The following EXT1 variants were observed in gnomAD, a reference collection of about 807,000 sequenced individuals.
EXT1 encodes the protein exostosin glycosyltransferase 1, also known as exostosin-1.
In EXT1, 20 loss-of-function variants were observed where a neutral mutation model predicts 82.5. That is an observed-to-expected ratio of 0.24 (90% CI 0.17 to 0.35). The LOEUF (loss-of-function observed/expected upper bound fraction) is 0.35. EXT1 is among the 10% of genes least tolerant of loss of function. EXT1 has a pLI of 1.00. For synonymous variants in EXT1, 348 were observed against 350.8 expected (o/e 0.99, Z 0.09); for missense variants, 757 against 936.5 (o/e 0.81, Z 2.50).
intron 1 of EXT1, among the ~76,000 whole-genome samples, chr8:117,940,456 TAGGCATCA>T (rs1183458645): frequency 6.6e-6 from 1 of 152,180 alleles, no homozygotes; most frequent in African/African-American, 2.4e-5. Context: ...CTAAAAGCAC[TAGGCATCA>T]AGGAAGGATG....
chr8:118,032,191 T>C (rs1816337573), intron 1 of EXT1, among the ~76,000 whole-genome samples: 1 of 150,054 alleles, frequency 6.7e-6, no homozygotes, highest in Non-Finnish European at 1.5e-5. Flanking sequence ...TAAATTAACT[T>C]GGGTTTCTTT....
intron 1 of EXT1, among the ~76,000 whole-genome samples, chr8:117,934,743 T>C (rs1352147254): frequency 6.6e-6 from 1 of 152,216 alleles, no homozygotes; most frequent in Non-Finnish European, 1.5e-5. Context: ...TGCAAATGGA[T>C]ACCTGACTCA....
chr8:117,863,928 C>A (rs1361804913), intron 1 of EXT1, among the ~76,000 whole-genome samples: 1 of 152,152 alleles, frequency 6.6e-6, no homozygotes, highest in African/African-American at 2.4e-5. Context: ...ACCCGATTTT[C>A]AAAAGGATGA....
At chr8:118,003,320 GT>G (rs1263873947) in intron 1 of EXT1, among the ~76,000 whole-genome samples, 1 of 151,828 alleles carries the variant, frequency 6.6e-6, no homozygotes, top group Non-Finnish European at 1.5e-5. Context: ...CGGATGACGG[GT>G]GCACTGAAAT....
intron 1 of EXT1, among the ~76,000 whole-genome samples, chr8:117,973,865 G>A (rs1287115992): frequency 7.7e-6 from 1 of 129,746 alleles, no homozygotes; most frequent in Middle Eastern, 5.0e-3. Context: ...GGAAAGGAAA[G>A]GAAAGGAAAG....
intron 1 of EXT1, among the ~76,000 whole-genome samples, chr8:117,839,400 A>G (rs1272431818): frequency 6.6e-6 from 1 of 152,212 alleles, no homozygotes; most frequent in Non-Finnish European, 1.5e-5. Flanking sequence ...TTAGGTGTCC[A>G]TACCATTATA....
intron 1 of EXT1, among the ~76,000 whole-genome samples, chr8:117,856,252 CTT>C (rs941357298): frequency 1.8e-4 from 25 of 135,540 alleles, no homozygotes; most frequent in Non-Finnish European, 2.7e-4. Context: ...AAGGCTTTTT[CTT>C]TTTTTTTTTT....
intron 1 of EXT1, among the ~76,000 whole-genome samples, chr8:117,926,823 T>C (rs1813961632): frequency 6.6e-6 from 1 of 152,256 alleles, no homozygotes. Context: ...TTTCTAAATT[T>C]TCCTGGAGAG....
At chr8:118,047,698 A>G (rs943631124) in intron 1 of EXT1, among the ~76,000 whole-genome samples, 1 of 152,224 alleles carries the variant, frequency 6.6e-6, no homozygotes, top group African/African-American at 2.4e-5. Context: ...CAGATAAAAT[A>G]CAGAGCATAC....
intron 1 of EXT1, among the ~76,000 whole-genome samples, chr8:117,996,926 A>G (rs7845466): frequency 0.058 from 8,761 of 152,244 alleles, 838 homozygotes; most frequent in African/African-American, 0.2. Context: ...TCTTGTAGGT[A>G]CAGGCCAGCA....
At chr8:117,804,448 A>G (rs1823208496) in intron 10 of EXT1, among the ~76,000 whole-genome samples, 1 of 152,232 alleles carries the variant, frequency 6.6e-6, no homozygotes, top group South Asian at 2.1e-4. Context: ...GCCCAAATGG[A>G]CTAAGACAAA....
chr8:118,029,500 C>A (rs1203862004), intron 1 of EXT1, among the ~76,000 whole-genome samples: 2 of 152,130 alleles, frequency 1.3e-5, no homozygotes, highest in African/African-American at 4.8e-5. Context: ...AATAAGTTAT[C>A]TGAAATGTGA....
intron 4 of EXT1, among the ~76,000 whole-genome samples, chr8:117,828,099 A>G: frequency 6.6e-6 from 1 of 152,190 alleles, no homozygotes; most frequent in Non-Finnish European, 1.5e-5. Context: ...GTTACAATGC[A>G]AGTATATAAA....
At position 117,799,740 on chromosome 8, in the gene EXT1, T is replaced by C. The variant is rs1823135276; in HGVS notation, c.2213A>G (p.Lys738Arg). 6.2e-7 allele frequency: 1 copy of C among 1,614,022 alleles called. No homozygotes were observed. Among genetic ancestry groups the C allele is most frequent in the Admixed American group, 1.7e-5 (1 of 59,986 alleles). The change falls in exon 11 of 11, where the codon AAG (lysine) becomes AGG (arginine). Residue 738 changes from lysine (K) to arginine (R), a missense_variant. Lys to Arg is a conservative substitution (Grantham distance 26, BLOSUM62 2). Transcript: ENST00000378204. ...AAGTCGCTCAATGTCTCGGTATTTC[T>C]TCCTCAAAATAGAGACCTGGTCTTT... ...LFKDQVSILR[K>R]KYRDIERL is the part of the protein sequence containing the mutation.
chr8:117,856,275 G>GC (rs1812555851), intron 1 of EXT1, among the ~76,000 whole-genome samples: 1 of 150,424 alleles, frequency 6.6e-6, no homozygotes, highest in African/African-American at 2.4e-5. Context: ...TTTGTGGGGG[G>GC]ACGGAGTCTC....
At chr8:118,037,836 G>GTTTTTTTTTTTTTTTTTTTTTTT (rs58862041) in intron 1 of EXT1, among the ~76,000 whole-genome samples, 1 of 107,438 alleles carries the variant, frequency 9.3e-6, no homozygotes, top group African/African-American at 4.2e-5. Context: ...AGTGTTTTTT[G>GTTTTTTTTTTTTTTTTTTTTTTT]TTTTTTTTTT....
intron 1 of EXT1, among the ~76,000 whole-genome samples, chr8:117,907,979 T>C (rs1563597629): frequency 6.6e-6 from 1 of 152,238 alleles, no homozygotes; most frequent in Non-Finnish European, 1.5e-5. Context: ...TCTTCATCAC[T>C]TGTAAAATTA....
chr8:117,982,954 TAAAA>T (rs1311903941), intron 1 of EXT1, among the ~76,000 whole-genome samples: 1 of 152,184 alleles, frequency 6.6e-6, no homozygotes, highest in Non-Finnish European at 1.5e-5. Context: ...TTTTACAAGA[TAAAA>T]AACCAATTTA....
At position 118,111,683 on chromosome 8, in the gene EXT1, G is replaced by C. The variant is rs1407183297; in HGVS notation, c.-637C>G. The C allele has an allele frequency of 7.2e-6, 2 of 275,912 alleles. No individual in the cohort carries two copies. The highest frequency in any genetic ancestry group is 1.4e-5 in the Non-Finnish European group (2 of 147,626). 17.1% of individuals were successfully genotyped at this position (275,912 alleles called of 1,614,324 possible). Reference sequence around the variant, plus strand: ...CGCGGGGCCGGCCCCCGGGACGCGCGGCGGCCCGGCTGGAGGCGGCGGCGG... The same window carrying C: ...CGCGGGGCCGGCCCCCGGGACGCGCCGCGGCCCGGCTGGAGGCGGCGGCGG... On this transcript the variant is annotated 5_prime_UTR_variant, in exon 1 of 11. Coordinates refer to ENST00000378204, the MANE Select transcript of EXT1 (RefSeq NM_000127.3).
Sources: gnomAD v4.1 joint callset for allele counts (sites outside exome capture counted in the v4.1 genomes callset) on GRCh38, gnomAD v4.1.1 for gene constraint, MANE v1.5 for transcripts, NCBI Gene and HGNC (gene_info 2026-07-23, HGNC 2026-07-21) for gene names.